CTNND2: variants seen among roughly 807,000 people sequenced by gnomAD.
CTNND2 encodes the protein catenin delta-2.
In CTNND2, 22 loss-of-function variants were observed where a neutral mutation model predicts 144.4. The ratio of observed to expected loss-of-function variants is 0.15; its 90% CI spans 0.11 to 0.22. The LOEUF is 0.22. CTNND2 is among the 10% of genes least tolerant of loss of function. The probability of loss-of-function intolerance (pLI) is 1.00; values close to 1 mark genes in which losing one functional copy is unlikely to be tolerated. For missense variants in CTNND2, 1,353 were observed against 1,618.8 expected (o/e 0.84, Z 2.82); for synonymous variants, 751 against 695.6 (o/e 1.08, Z -1.25).
At chr5:11,157,861 T>G (rs150816231) in intron 12 of CTNND2, among the ~76,000 whole-genome samples, 1 of 152,172 alleles carries the variant, frequency 6.6e-6, no homozygotes, top group Non-Finnish European at 1.5e-5. Context: ...TATGTGTGAA[T>G]AGACAGGGAT....
Position 11,397,103 on chromosome 5 carries a change from C to T in CTNND2, c.540G>A (p.Leu180=). 1 of 1,614,182 alleles carries T rather than the reference C, an allele frequency of 6.2e-7. No homozygotes were observed. Among genetic ancestry groups the T allele is most frequent in the East Asian group, 2.2e-5 (1 of 44,872 alleles). The part of the protein sequence containing the change: ...ASYHSNQTLA[L]GETTPSQLPA... ...GGAGCTGTGAAGGGGTGGTTTCCCC[C>T]AGGGCCAGGGTCTGGTTGCTATGGT... The change falls in exon 6 of 22, where the codon CTG becomes CTA. Residue 180 remains leucine (L), a synonymous_variant. Coordinates refer to ENST00000304623, the MANE Select transcript of CTNND2 (RefSeq NM_001332.4).
At chr5:11,695,783 T>C (rs1040908372) in intron 2 of CTNND2, among the ~76,000 whole-genome samples, 2 of 152,170 alleles carry the variant, frequency 1.3e-5, no homozygotes, top group Non-Finnish European at 2.9e-5. Context: ...CCTTAATTTG[T>C]CCCATTTTTA....
Position 11,817,430 on chromosome 5 carries a change from A to AG in CTNND2, c.38-85159dup, listed in dbSNP as rs1230259441. Among the ~76,000 whole-genome samples, 12 of 2,856 alleles carry AG rather than the reference A, an allele frequency of 4.2e-3. 3 individuals carry two copies. The Non-Finnish European group carries it at 0.05, about 12-fold the overall frequency. 1.9% of individuals were successfully genotyped at this position (2,856 alleles called of 152,430 possible). On this transcript the variant is annotated intron_variant, in intron 1 of 21. Transcript: ENST00000304623. ...AGGAGGGAGAGAGAGAGAGAGAGAG[A>AG]GAGAGAGAGAGAGAGAGAGAGAGAG...
At chr5:11,038,446 C>T (rs1744318355) in intron 16 of CTNND2, among the ~76,000 whole-genome samples, 2 of 152,162 alleles carry the variant, frequency 1.3e-5, no homozygotes, top group South Asian at 4.1e-4. Flanking sequence ...ACACTTTCAT[C>T]CTGAAACCAT....
chr5:11,715,947 G>A (rs990795355), intron 2 of CTNND2, among the ~76,000 whole-genome samples: 1 of 152,166 alleles, frequency 6.6e-6, no homozygotes, highest in Non-Finnish European at 1.5e-5. Flanking sequence ...CAGAAAACAA[G>A]GCCTCCAATT....
intron 11 of CTNND2, among the ~76,000 whole-genome samples, chr5:11,166,147 G>T (rs1759301073): frequency 6.6e-6 from 1 of 152,002 alleles, no homozygotes; most frequent in South Asian, 2.1e-4. Flanking sequence ...GTGTATTTAT[G>T]AGGATTTATT....
At chr5:11,071,371 C>A (rs918679252) in intron 16 of CTNND2, among the ~76,000 whole-genome samples, 3 of 152,210 alleles carry the variant, frequency 2.0e-5, no homozygotes, top group Non-Finnish European at 4.4e-5. Flanking sequence ...CACCTTGTCT[C>A]TACTATGAAT....
rs1749711090 is a variant in CTNND2, at chr5:11,082,748, C to T, written c.2736G>A (p.Val912=). The T allele has an allele frequency of 1.2e-6, 2 of 1,614,156 alleles. No homozygotes were observed. Among genetic ancestry groups the T allele is most frequent in the East Asian group, 4.5e-5 (2 of 44,872 alleles). ...RIDNDRVVCA[V]ATALRNMALD... ...AGGCCATGTTCCGCAGCGCAGTGGCCACCGCGCACACCACACGGTCATTGT... is the reference window on the plus strand; with the variant it reads ...AGGCCATGTTCCGCAGCGCAGTGGCTACCGCGCACACCACACGGTCATTGT... Residue 912 remains valine, a synonymous_variant, in exon 16 of 22, where the codon GTG becomes GTA. Coordinates refer to ENST00000304623, the MANE Select transcript of CTNND2 (RefSeq NM_001332.4).
chr5:11,384,960 C>G lies in CTNND2; in HGVS notation c.882G>C (p.Ala294=). 6.4e-7 allele frequency: 1 copy of G among 1,564,252 alleles called. No individual in the cohort carries two copies. Among genetic ancestry groups the G allele is most frequent in the Non-Finnish European group, 8.6e-7 (1 of 1,159,354 alleles). Residue 294 remains alanine, a synonymous_variant, in exon 7 of 22, where the codon GCG becomes GCC. Transcript: ENST00000304623. The surrounding 1 kb of genome is among the most constrained non-coding windows in gnomAD (Gnocchi z 5.2). The part of the protein sequence containing the change: ...GSAPEGATYA[A]PRGSSPKQSP... ...ACTGCTTGGGCGAGGAGCCGCGCGG[C>G]GCGGCGTAGGTGGCGCCCTCGGGGG...
At chr5:11,364,945 T>G in intron 7 of CTNND2, 55 bp from the exon 8 acceptor site, 3 of 1,478,450 alleles carry the variant, frequency 2.0e-6, no homozygotes, top group Non-Finnish European at 2.8e-6. Context: ...AAACAGAACT[T>G]GTTTAATCAA....
chr5:11,088,283 T>C (rs1209633419), intron 15 of CTNND2, among the ~76,000 whole-genome samples: 3 of 152,080 alleles, frequency 2.0e-5, no homozygotes, highest in Non-Finnish European at 4.4e-5. Context: ...GAATACACCA[T>C]TGAGAAGGGG....
At chr5:11,246,790 C>T (rs767065863) in intron 9 of CTNND2, among the ~76,000 whole-genome samples, 5 of 151,882 alleles carry the variant, frequency 3.3e-5, no homozygotes, top group African/African-American at 4.8e-5. Context: ...AAGGTGACAC[C>T]GGAGCTGAGT....
intron 19 of CTNND2, among the ~76,000 whole-genome samples, chr5:10,992,292 T>C (rs1273431558): frequency 6.6e-6 from 1 of 152,234 alleles, no homozygotes; most frequent in African/African-American, 2.4e-5. Context: ...GTTTTCTTTA[T>C]ACTCGTTCCT....
intron 9 of CTNND2, among the ~76,000 whole-genome samples, chr5:11,329,979 G>T (rs950572845): frequency 2.0e-5 from 3 of 152,112 alleles, no homozygotes; most frequent in African/African-American, 2.4e-5. Flanking sequence ...ATTCCTTGTA[G>T]TCTGTAAGTG....
chr5:11,033,849 A>G (rs906241787), intron 16 of CTNND2, among the ~76,000 whole-genome samples: 6 of 152,142 alleles, frequency 3.9e-5, no homozygotes, highest in African/African-American at 7.2e-5. Context: ...CAACAACAAC[A>G]ACAACATCTT....
intron 1 of CTNND2, among the ~76,000 whole-genome samples, chr5:11,854,247 A>G (rs1795151735): frequency 6.6e-6 from 1 of 152,226 alleles, no homozygotes; most frequent in Non-Finnish European, 1.5e-5. Flanking sequence ...CTATATAAGT[A>G]TCCAACATAA....
intron 3 of CTNND2, among the ~76,000 whole-genome samples, chr5:11,414,667 G>C (rs1241553863): frequency 6.6e-6 from 1 of 152,096 alleles, no homozygotes; most frequent in East Asian, 1.9e-4. Flanking sequence ...TCATGTCATG[G>C]GGGTTTGTTG....
In CTNND2 at chr5:11,384,432, T is replaced by G; in HGVS notation, c.1177+233A>C. On this transcript the variant is annotated intron_variant, in intron 7 of 21. Coordinates refer to ENST00000304623, the MANE Select transcript of CTNND2 (RefSeq NM_001332.4). This position sits in a 1 kb window ranked among gnomAD's most constrained non-coding sequence, Gnocchi z 5.2. ...AGAGAGAAGAGAGGAGAGAAGAGAGTGATATAGGTGTTAGAGATTGAGACA... is the reference window on the plus strand; with the variant it reads ...AGAGAGAAGAGAGGAGAGAAGAGAGGGATATAGGTGTTAGAGATTGAGACA... The G allele has an allele frequency of 1.8e-6, 1 of 545,482 alleles. No individual in the cohort carries two copies. The highest frequency in any genetic ancestry group is 3.1e-5 in the East Asian group (1 of 32,430). 33.8% of individuals were successfully genotyped at this position (545,482 alleles called of 1,614,324 possible).
At chr5:11,687,471 G>A (rs188606668) in intron 2 of CTNND2, among the ~76,000 whole-genome samples, 1 of 152,278 alleles carries the variant, frequency 6.6e-6, no homozygotes, top group Non-Finnish European at 1.5e-5. Context: ...TTCAAAACCT[G>A]CTGCCCCCAC....
Sources: allele counts gnomAD v4.1 joint callset (sites outside exome capture counted in the v4.1 genomes callset), GRCh38; gene constraint gnomAD v4.1.1; non-coding constraint Gnocchi (gnomAD v3.1); transcripts MANE v1.5; gene names NCBI Gene and HGNC (gene_info 2026-07-23, HGNC 2026-07-21).